The following SHTN1 variants were observed in gnomAD, a reference collection of about 807,000 sequenced individuals.
SHTN1 encodes the protein shootin-1.
In SHTN1, 42 loss-of-function variants were observed where a neutral mutation model predicts 83.1. The observed-to-expected ratio is 0.51, with a 90% CI of 0.39 to 0.65. The LOEUF (loss-of-function observed/expected upper bound fraction) is 0.65. Among genes scored for constraint, SHTN1 ranks in the 30% least tolerant of loss-of-function variants. The pLI is 0.00. For missense variants in SHTN1, 622 were observed against 737.8 expected, an observed-to-expected ratio of 0.84 and a Z score of 1.82; for synonymous variants, 224 against 247.7, an observed-to-expected ratio of 0.90 and a Z score of 0.90.
chr10:116,942,225 T>G (rs1849399959), intron 8 of SHTN1, among the ~76,000 whole-genome samples: 1 of 152,242 alleles, frequency 6.6e-6, no homozygotes, highest in South Asian at 2.1e-4. Context: ...ATTTTTTTTT[T>G]TTTTTGAGAT....
At chr10:117,115,333 T>C (rs977520449) in intron 1 of SHTN1, among the ~76,000 whole-genome samples, 1 of 151,750 alleles carries the variant, frequency 6.6e-6, no homozygotes, top group African/African-American at 2.4e-5. Context: ...GAATGAAAAA[T>C]AATTATATAC....
At chr10:117,114,618 A>G (rs1853816883) in intron 1 of SHTN1, among the ~76,000 whole-genome samples, 2 of 152,020 alleles carry the variant, frequency 1.3e-5, no homozygotes, top group South Asian at 2.1e-4. Flanking sequence ...CTGGGGTGAA[A>G]ACTATACACT....
intron 1 of SHTN1, among the ~76,000 whole-genome samples, chr10:117,065,802 A>G (rs1317266856): frequency 1.0e-3 from 42 of 42,098 alleles, no homozygotes; most frequent in Non-Finnish European, 1.4e-3. Context: ...GGAAGGAAGG[A>G]AGGAAGGAAG....
chr10:117,082,401 T>C (rs1189192321), intron 1 of SHTN1, among the ~76,000 whole-genome samples: 4 of 149,294 alleles, frequency 2.7e-5, no homozygotes, highest in East Asian at 3.9e-4. Flanking sequence ...GTCTGAGAGA[T>C]AGTTTGTTAT....
intron 1 of SHTN1, among the ~76,000 whole-genome samples, chr10:117,088,065 T>C (rs1589927496): frequency 6.6e-6 from 1 of 152,202 alleles, no homozygotes; most frequent in South Asian, 2.1e-4. Context: ...TACAGTTAGT[T>C]CTGCTGTATT....
rs1304975138 is a variant in SHTN1, at chr10:117,126,449, G to A, written c.-331C>T. 3 of 237,196 alleles carry A rather than the reference G, an allele frequency of 1.3e-5. No individual in the cohort carries two copies. The Admixed American group carries it at 1.5e-4, about 12-fold the overall frequency. 14.7% of individuals were successfully genotyped at this position (237,196 alleles called of 1,614,324 possible). A position where few individuals can be genotyped will look rare whatever the true frequency, so the allele number is the denominator to read the frequency against. On this transcript the variant is annotated 5_prime_UTR_variant, in exon 1 of 18. Coordinates refer to the SHTN1 transcript ENST00000392901. ...TGCCTCCTTTCTAGCCCTAGCACCT[G>A]GCCCTCGCCTCGCCTCCTAGCACGC... is the stretch of plus-strand genomic sequence containing the variant.
At chr10:116,906,901 C>G (rs571371196) in intron 14 of SHTN1, among the ~76,000 whole-genome samples, 154 bp from the exon 15 acceptor site, 1 of 152,156 alleles carries the variant, frequency 6.6e-6, no homozygotes, top group Non-Finnish European at 1.5e-5. Flanking sequence ...TAAATGTGCA[C>G]ATTTTCAACA....
At chr10:116,898,989 T>C (rs1847623105) in intron 16 of SHTN1, among the ~76,000 whole-genome samples, 1 of 152,192 alleles carries the variant, frequency 6.6e-6, no homozygotes, top group Admixed American at 6.5e-5. Context: ...TTTCTAGGTA[T>C]AGTGTGATTT....
intron 1 of SHTN1, among the ~76,000 whole-genome samples, chr10:117,056,639 G>A (rs539248233): frequency 4.1e-4 from 63 of 152,044 alleles, no homozygotes; most frequent in East Asian, 3.1e-3. Flanking sequence ...GTGAAACCCC[G>A]TCTCTACTAA....
intron 16 of SHTN1, chr10:116,901,516 G>A: frequency 1.0e-6 from 1 of 985,246 alleles, no homozygotes; most frequent in Non-Finnish European, 1.2e-6. Context: ...TATTTGTGTA[G>A]AAGAACCTGA....
intron 2 of SHTN1, 28 bp from the exon 3 acceptor site, chr10:116,968,740 A>G: frequency 1.3e-6 from 2 of 1,565,596 alleles, no homozygotes; most frequent in Non-Finnish European, 8.8e-7. Context: ...AACAAATGTT[A>G]AACTTCAATC....
intron 1 of SHTN1, among the ~76,000 whole-genome samples, chr10:117,109,552 A>ATT (rs1564962314): frequency 6.0e-5 from 1 of 16,558 alleles, no homozygotes; most frequent in African/African-American, 2.4e-4. Context: ...AACATATATT[A>ATT]CTTTTTTTTT....
chr10:117,053,157 A>G (rs1457827412), intron 1 of SHTN1, among the ~76,000 whole-genome samples: 1 of 151,800 alleles, frequency 6.6e-6, no homozygotes, highest in Non-Finnish European at 1.5e-5. Flanking sequence ...AGAAAGAAGT[A>G]TTCATAGAAG....
At position 116,886,339 on chromosome 10, in the gene SHTN1, A is replaced by G; in HGVS notation, c.*5T>C. ...TCCAAACATGTCAGGCTTCTGGTTTATGGATCAGCAGTTGGAGCTGTCTGT... is the reference window on the plus strand; with the variant it reads ...TCCAAACATGTCAGGCTTCTGGTTTGTGGATCAGCAGTTGGAGCTGTCTGT... On this transcript the variant is annotated 3_prime_UTR_variant, in exon 17 of 17. Coordinates refer to ENST00000355371, the MANE Select transcript of SHTN1 (RefSeq NM_001127211.3). 1.3e-6 allele frequency: 2 copies of G among 1,552,664 alleles called. No homozygotes were observed. Among genetic ancestry groups the G allele is most frequent in the Non-Finnish European group, 1.7e-6 (2 of 1,147,274 alleles).
intron 1 of SHTN1, among the ~76,000 whole-genome samples, chr10:117,068,859 G>A (rs1348784519): frequency 6.6e-6 from 1 of 152,138 alleles, no homozygotes; most frequent in African/African-American, 2.4e-5. Context: ...TGAGTGATGA[G>A]TACACAGACA....
At chr10:117,107,920 G>C (rs1455229691) in intron 1 of SHTN1, among the ~76,000 whole-genome samples, 1 of 152,098 alleles carries the variant, frequency 6.6e-6, no homozygotes, top group African/African-American at 2.4e-5. Flanking sequence ...CAAACTCCTG[G>C]ACTCAAGCGA....
At chr10:116,982,455 AC>A (rs1851060312) in intron 1 of SHTN1, among the ~76,000 whole-genome samples, 1 of 152,168 alleles carries the variant, frequency 6.6e-6, no homozygotes, top group Admixed American at 6.5e-5. Context: ...ATCACAGTGG[AC>A]CCCTAACCCT....
Position 116,885,130 on chromosome 10 carries a change from A to C in SHTN1, c.*1214T>G, listed in dbSNP as rs921707221. On this transcript the variant is annotated 3_prime_UTR_variant, in exon 17 of 17. Transcript: ENST00000355371. ...CTTACCACACGTGCAAAAATACAAT[A>C]CAATACAACTACTGCAATTATTACT... 5.9e-5 allele frequency: 9 copies of C among 152,590 alleles called. No homozygotes were observed. Among genetic ancestry groups the C allele is most frequent in the African/African-American group, 2.2e-4 (9 of 41,442 alleles). The allele number at this position is 152,590 out of a possible 1,614,324, so 9.5% of individuals were successfully genotyped here. A position where few individuals can be genotyped will look rare whatever the true frequency, so the allele number is the denominator to read the frequency against.
At chr10:116,966,025 T>G (rs75525372) in intron 3 of SHTN1, among the ~76,000 whole-genome samples, 4 of 152,334 alleles carry the variant, frequency 2.6e-5, no homozygotes, top group Non-Finnish European at 4.4e-5. Flanking sequence ...GGGGTTTTTT[T>G]GAGACGGAGT....
Sources: allele counts gnomAD v4.1 joint callset (sites outside exome capture counted in the v4.1 genomes callset), GRCh38; gene constraint gnomAD v4.1.1; transcripts MANE v1.5; gene names NCBI Gene and HGNC (gene_info 2026-07-23, HGNC 2026-07-21).